Variants in BDKRB2 observed in about 807,000 individuals in gnomAD.
BDKRB2 encodes bradykinin receptor B2.
BDKRB2 carries 6 observed loss-of-function variants against 4.0 expected under a neutral mutation model. The observed-to-expected ratio is 1.49, with a 90% confidence interval of 0.81 to 2.93. The LOEUF (loss-of-function observed/expected upper bound fraction) is 2.93, where lower values mean the gene tolerates loss of function less well. BDKRB2 is among the 30% of genes most tolerant of loss of function. BDKRB2 has a pLI of 0.00. For missense variants in BDKRB2, 478 were observed against 520.1 expected (o/e 0.92, Z 0.79); for synonymous variants, 225 against 215.3 (o/e 1.05, Z -0.40).
chr14:96,243,728 C>T lies in BDKRB2; in HGVS notation c.*2224C>T, dbSNP rs1282711678. ...CCCAACCCACTCTTTTTTCCCACCA[C>T]CCACTCTCCTCTGCCTCAGTAAGTA... On this transcript the variant is annotated 3_prime_UTR_variant, in exon 3 of 3. Transcript: ENST00000554311. 6.5e-6 allele frequency: 1 copy of T among 154,608 alleles called. No individual in the cohort carries two copies. The highest frequency in any genetic ancestry group is 1.4e-5 in the Non-Finnish European group (1 of 69,770). 9.6% of individuals were successfully genotyped at this position (154,608 alleles called of 1,614,324 possible).
At chr14:96,225,666 T>C (rs1358897458) in intron 1 of BDKRB2, among the ~76,000 whole-genome samples, 2 of 152,106 alleles carry the variant, frequency 1.3e-5, no homozygotes, top group African/African-American at 4.8e-5. Context: ...GGGATAAAAC[T>C]CCACCTGTCC....
intron 1 of BDKRB2, among the ~76,000 whole-genome samples, chr14:96,235,894 T>C (rs1343580280): frequency 1.3e-5 from 2 of 151,944 alleles, no homozygotes; most frequent in African/African-American, 2.4e-5. Flanking sequence ...TAGACAGGGG[T>C]CACTTGGTGT....
Position 96,223,592 on chromosome 14 carries a change from A to G in BDKRB2, c.-39-13477A>G, listed in dbSNP as rs929395351. 1.3e-5 allele frequency among the ~76,000 whole-genome samples: 2 copies of G among 152,114 alleles called. 1 individual carries two copies. Among genetic ancestry groups the G allele is most frequent in the Admixed American group, 1.3e-4 (2 of 15,282 alleles). ...GCTGAGTGTGACCCTAGGAGGCACA[A>G]TGTGCTCTGTATCCAGAACACACTT... On this transcript the variant is annotated intron_variant, in intron 1 of 2. Transcript: ENST00000554311.
chr14:96,220,990 A>G (rs2139778088), intron 1 of BDKRB2, among the ~76,000 whole-genome samples: 1 of 151,978 alleles, frequency 6.6e-6, no homozygotes, highest in East Asian at 1.9e-4. Flanking sequence ...TCACCACTAT[A>G]TCCCCCTATA....
At chr14:96,236,996 C>A in intron 1 of BDKRB2, 73 bp from the exon 2 acceptor site, 1 of 886,598 alleles carries the variant, frequency 1.1e-6, no homozygotes, top group Non-Finnish European at 1.9e-6. Flanking sequence ...ATTTCTCCTC[C>A]CTGCTGGAGA....
intron 1 of BDKRB2, among the ~76,000 whole-genome samples, chr14:96,210,131 T>C (rs1890272881): frequency 6.6e-6 from 1 of 152,210 alleles, no homozygotes; most frequent in South Asian, 2.1e-4. Context: ...GAAGCTAAGC[T>C]GTTAATTTAT....
intron 1 of BDKRB2, among the ~76,000 whole-genome samples, chr14:96,213,470 C>G (rs1245104024): frequency 5.3e-5 from 8 of 150,534 alleles, no homozygotes; most frequent in African/African-American, 1.7e-4. Context: ...CTTCTTCTTC[C>G]TGGGCCTCTG....
intron 1 of BDKRB2, among the ~76,000 whole-genome samples, chr14:96,235,781 T>TCATGCACA (rs894883140): frequency 6.6e-6 from 1 of 151,480 alleles, no homozygotes; most frequent in Non-Finnish European, 1.5e-5. Context: ...GTGGCTACAT[T>TCATGCACA]CATGCACACA....
At chr14:96,222,556 A>T (rs1027461913) in intron 1 of BDKRB2, among the ~76,000 whole-genome samples, 1 of 152,002 alleles carries the variant, frequency 6.6e-6, no homozygotes, top group Non-Finnish European at 1.5e-5. Context: ...CGTGTCAGGA[A>T]CTGGTGTCAA....
At chr14:96,225,196 T>C (rs962493094) in intron 1 of BDKRB2, among the ~76,000 whole-genome samples, 4 of 152,128 alleles carry the variant, frequency 2.6e-5, no homozygotes, top group African/African-American at 9.7e-5. Context: ...ATTACGGTTG[T>C]ACAAAGGTCT....
At chr14:96,224,019 C>T (rs1032060631) in intron 1 of BDKRB2, among the ~76,000 whole-genome samples, 5 of 151,978 alleles carry the variant, frequency 3.3e-5, no homozygotes, top group Non-Finnish European at 7.4e-5. Flanking sequence ...TCAGTTTCTT[C>T]GAGATGTGAT....
intron 1 of BDKRB2, among the ~76,000 whole-genome samples, chr14:96,229,854 A>G (rs1057371788): frequency 2.0e-5 from 3 of 152,042 alleles, no homozygotes; most frequent in Admixed American, 6.6e-5. Flanking sequence ...ATTAAAAAGG[A>G]TTGGTGGCTC....
chr14:96,218,586 T>A (rs1274802789), intron 1 of BDKRB2, among the ~76,000 whole-genome samples: 1 of 152,162 alleles, frequency 6.6e-6, no homozygotes, highest in East Asian at 1.9e-4. Context: ...ACTGACTCGC[T>A]GAGGCTGGGT....
chr14:96,241,139 C>T lies in BDKRB2; in HGVS notation c.811C>T (p.Leu271=). ...CCAGACAGAGAGGAGGGCCACGGTG[C>T]TAGTCCTGGTTGTGCTGCTGCTATT... ...EIQTERRATV[L]VLVVLLLFII... The change falls in exon 3 of 3, where the codon CTA becomes TTA. Residue 271 remains leucine, a synonymous_variant. Transcript: ENST00000554311. The T allele has an allele frequency of 1.2e-6, 2 of 1,612,164 alleles. No individual in the cohort carries two copies. The highest frequency in any genetic ancestry group is 1.1e-5 in the South Asian group (1 of 90,958).
At chr14:96,234,911 C>G (rs1340044715) in intron 1 of BDKRB2, among the ~76,000 whole-genome samples, 1 of 152,158 alleles carries the variant, frequency 6.6e-6, no homozygotes, top group East Asian at 1.9e-4. Context: ...GAAATGGAAG[C>G]TGTACATGCA....
intron 1 of BDKRB2, among the ~76,000 whole-genome samples, chr14:96,207,872 T>G (rs989396564): frequency 6.6e-6 from 1 of 151,966 alleles, no homozygotes; most frequent in Non-Finnish European, 1.5e-5. Context: ...AGTCAAACAA[T>G]CAGACCTGCC....
At chr14:96,210,399 G>C (rs149575944) in intron 1 of BDKRB2, among the ~76,000 whole-genome samples, 142 of 152,292 alleles carry the variant, frequency 9.3e-4, no homozygotes, top group African/African-American at 3.3e-3. Context: ...GTAGGAAGAG[G>C]AGGTTAGGCA....
At chr14:96,223,120 C>A in intron 1 of BDKRB2, 1 of 1,280,734 alleles carries the variant, frequency 7.8e-7, no homozygotes, top group Admixed American at 1.7e-5. Context: ...GTCACACAAA[C>A]AAATTCACTA....
At chr14:96,239,267 A>G (rs1426160490) in intron 2 of BDKRB2, 2 of 976,228 alleles carry the variant, frequency 2.0e-6, no homozygotes, top group Non-Finnish European at 2.4e-6. Context: ...ATGTTGCAAC[A>G]GCCATGAAAA....
Sources: allele counts gnomAD v4.1 joint callset (sites outside exome capture counted in the v4.1 genomes callset), GRCh38; gene constraint gnomAD v4.1.1; transcripts MANE v1.5; gene names NCBI Gene and HGNC (gene_info 2026-07-23, HGNC 2026-07-21).